Variants in MYLK observed in about 807,000 individuals in gnomAD.
MYLK encodes the protein myosin light chain kinase, smooth muscle.
A neutral mutation model predicts 203.4 loss-of-function variants in MYLK; 106 were observed. The observed-to-expected ratio is 0.52, with a 90% CI of 0.45 to 0.61. The LOEUF is 0.61. MYLK is among the 20% of genes least tolerant of loss of function. MYLK has a pLI of 0.00. For missense variants in MYLK, 2,072 were observed against 2,442.3 expected, an observed-to-expected ratio of 0.85 and a Z score of 3.20; for synonymous variants, 867 against 959.5, an observed-to-expected ratio of 0.90 and a Z score of 1.78.
intron 7 of MYLK, among the ~76,000 whole-genome samples, 183 bp from the exon 8 acceptor site, chr3:123,737,726 G>A (rs2062728271): frequency 6.6e-6 from 1 of 152,210 alleles, no homozygotes; most frequent in Non-Finnish European, 1.5e-5. Flanking sequence ...CTGACTTGAG[G>A]TCTGTGGATG....
chr3:123,881,586 C>T (rs770418252), intron 1 of MYLK, among the ~76,000 whole-genome samples: 3 of 152,030 alleles, frequency 2.0e-5, no homozygotes, highest in Non-Finnish European at 2.9e-5. Context: ...AAATAAGACA[C>T]CCCATACTCA....
At chr3:123,689,198 A>G (rs2060570899) in intron 19 of MYLK, among the ~76,000 whole-genome samples, 1 of 152,174 alleles carries the variant, frequency 6.6e-6, no homozygotes, top group African/African-American at 2.4e-5. Flanking sequence ...GGCTGGGGAC[A>G]GGAGGCCTGA....
At chr3:123,781,699 G>T (rs2064304755) in intron 4 of MYLK, among the ~76,000 whole-genome samples, 1 of 152,100 alleles carries the variant, frequency 6.6e-6, no homozygotes, top group African/African-American at 2.4e-5. Context: ...CGGTCAAGAT[G>T]ATTTGGTCCA....
Position 123,766,033 on chromosome 3 carries a change from G to A in MYLK, c.166-13495C>T, listed in dbSNP as rs375403142. ...CAACAATGTGAATGTACTTAGTGCCGCTGAACTGTCCACTTAAAAATGGTT... is the reference window on the plus strand; with the variant it reads ...CAACAATGTGAATGTACTTAGTGCCACTGAACTGTCCACTTAAAAATGGTT... On this transcript the variant is annotated intron_variant, in intron 4 of 33. Coordinates refer to ENST00000360304, the MANE Select transcript of MYLK (RefSeq NM_053025.4). Among the ~76,000 whole-genome samples the A allele has an allele frequency of 4.6e-5, 7 of 152,240 alleles. No homozygotes were observed. The East Asian group carries it at 1.2e-3, about 25-fold the overall frequency.
At chr3:123,825,938 T>C (rs2066102639) in intron 3 of MYLK, among the ~76,000 whole-genome samples, 1 of 152,194 alleles carries the variant, frequency 6.6e-6, no homozygotes, top group African/African-American at 2.4e-5. Context: ...CTTCAAGCAG[T>C]TGATATGCCC....
chr3:123,727,944 A>T (rs1324853752), intron 11 of MYLK, among the ~76,000 whole-genome samples: 1 of 152,154 alleles, frequency 6.6e-6, no homozygotes, highest in Non-Finnish European at 1.5e-5. Flanking sequence ...ATGTAGGAGG[A>T]GCTAAAAGAA....
chr3:123,822,144 G>C (rs1366595539), intron 3 of MYLK, among the ~76,000 whole-genome samples: 2 of 152,156 alleles, frequency 1.3e-5, no homozygotes, highest in Non-Finnish European at 2.9e-5. Flanking sequence ...CTTGAACTTG[G>C]ACTTCCCAGC....
intron 13 of MYLK, among the ~76,000 whole-genome samples, chr3:123,720,766 C>T (rs575101020): frequency 6.6e-6 from 1 of 152,304 alleles, no homozygotes; most frequent in Admixed American, 6.5e-5. Flanking sequence ...ACCAGTTTCT[C>T]GTGCTCACTC....
rs886057867 is a variant in MYLK at position 123,876,562 on chromosome 3, T to C, written c.-130A>G. 1.3e-5 allele frequency: 2 copies of C among 152,240 alleles called. No individual in the cohort carries two copies. The highest frequency in any genetic ancestry group is 2.9e-5 in the Non-Finnish European group (2 of 68,042). The allele number at this position is 152,240 out of a possible 1,614,324, so 9.4% of individuals were successfully genotyped here. A position where few individuals can be genotyped will look rare whatever the true frequency, so the allele number is the denominator to read the frequency against. On this transcript the variant is annotated 5_prime_UTR_variant, in exon 2 of 34. It adds an upstream start codon to the 5' untranslated region. Transcript: ENST00000360304. ...CCATCTTTTATCATGCTATTACCTT[T>C]ATTTTTTCTCTTCAGCTGGCCCGAA... is the stretch of plus-strand genomic sequence containing the variant.
At chr3:123,870,431 A>G (rs1393826933) in intron 2 of MYLK, among the ~76,000 whole-genome samples, 2 of 152,224 alleles carry the variant, frequency 1.3e-5, no homozygotes, top group Non-Finnish European at 2.9e-5. Flanking sequence ...TTCACTAGCC[A>G]TCTACCATAT....
chr3:123,722,134 C>T lies in MYLK; in HGVS notation c.1798G>A (p.Val600Ile), dbSNP rs766027720. 69 of 1,565,988 alleles carry T rather than the reference C, an allele frequency of 4.4e-5. No individual in the cohort carries two copies. Among genetic ancestry groups the T allele is most frequent in the Middle Eastern group, 3.3e-4 (2 of 6,040 alleles). ...GQVSCSAWVTVHEKKSSRKSE... is the reference protein window; with the variant it reads ...GQVSCSAWVTIHEKKSSRKSE... ...GGTGCCCAGAGGCTCCTACCATGGA[C>T]GGTGACCCAGGCGCTGCAGGACACC... The change falls in exon 13 of 34, where the codon GTC becomes ATC. Residue 600 changes from valine (V) to isoleucine (I), a missense_variant. Val to Ile is a conservative substitution (Grantham distance 29). Transcript: ENST00000360304.
intron 2 of MYLK, among the ~76,000 whole-genome samples, chr3:123,862,565 C>T (rs1183041446): frequency 6.6e-6 from 1 of 152,180 alleles, no homozygotes; most frequent in Non-Finnish European, 1.5e-5. Context: ...ATGATGCTTG[C>T]TGACTTTCCC....
intron 2 of MYLK, among the ~76,000 whole-genome samples, chr3:123,842,613 A>C (rs1225007290): frequency 6.6e-6 from 1 of 152,228 alleles, no homozygotes; most frequent in Non-Finnish European, 1.5e-5. Context: ...AATTCCAAAG[A>C]ATCATATAGT....
chr3:123,877,450 T>A (rs571465871), intron 1 of MYLK, among the ~76,000 whole-genome samples: 2 of 151,996 alleles, frequency 1.3e-5, no homozygotes, highest in Non-Finnish European at 2.9e-5. Context: ...CAGGAAAAAA[T>A]AGTAATATCA....
At chr3:123,847,698 T>A (rs2030203360) in intron 2 of MYLK, among the ~76,000 whole-genome samples, 1 of 152,140 alleles carries the variant, frequency 6.6e-6, no homozygotes, top group Admixed American at 6.6e-5. Context: ...TTAATATTCT[T>A]TATGACATTA....
chr3:123,723,393 A>G (rs573903040), intron 12 of MYLK, among the ~76,000 whole-genome samples: 28 of 152,320 alleles, frequency 1.8e-4, no homozygotes, highest in African/African-American at 6.5e-4. Flanking sequence ...AGGGCTGGGA[A>G]AGGCAGGGGC....
chr3:123,625,471 G>A (rs820453), intron 31 of MYLK, among the ~76,000 whole-genome samples: 55,806 of 137,312 alleles, frequency 0.41, 15,840 homozygotes, highest in African/African-American at 0.78. Flanking sequence ...TTGTCTCGAG[G>A]AAAAAAAAAA....
At chr3:123,628,681 T>A (rs945567256) in intron 30 of MYLK, among the ~76,000 whole-genome samples, 2 of 152,200 alleles carry the variant, frequency 1.3e-5, no homozygotes, top group African/African-American at 2.4e-5. Context: ...AGATTCTGTC[T>A]AGGCACACCC....
At chr3:123,759,513 C>T (rs1381288913) in intron 4 of MYLK, among the ~76,000 whole-genome samples, 4 of 152,208 alleles carry the variant, frequency 2.6e-5, no homozygotes, top group Non-Finnish European at 5.9e-5. Context: ...TTGCTAGGCT[C>T]TCCTGCCTGC....
Sources: allele counts gnomAD v4.1 joint callset (sites outside exome capture counted in the v4.1 genomes callset), GRCh38; gene constraint gnomAD v4.1.1; transcripts MANE v1.5; gene names NCBI Gene and HGNC (gene_info 2026-07-23, HGNC 2026-07-21).